Variants in DNAH5 observed in about 807,000 individuals in gnomAD.
DNAH5 encodes the protein dynein axonemal heavy chain 5, also known as axonemal beta dynein heavy chain 5.
A neutral mutation model predicts 518.2 loss-of-function variants in DNAH5; 372 were observed. That is an observed-to-expected ratio of 0.72 (90% CI 0.66 to 0.78). The LOEUF (loss-of-function observed/expected upper bound fraction) is 0.78, where lower values mean the gene tolerates loss of function less well. DNAH5 is among the 30% of genes least tolerant of loss of function. The pLI is 0.00. For synonymous variants in DNAH5, 2,039 were observed against 2,025.9 expected, an observed-to-expected ratio of 1.01 and a Z score of -0.17; for missense variants, 5,523 against 5,687.0, an observed-to-expected ratio of 0.97 and a Z score of 0.93.
intron 14 of DNAH5, among the ~76,000 whole-genome samples, chr5:13,900,973 CT>C (rs1207303452): frequency 2.0e-5 from 3 of 152,150 alleles, no homozygotes. Flanking sequence ...GCAAGATATC[CT>C]AATAGATTGG....
intron 1 of DNAH5, among the ~76,000 whole-genome samples, chr5:13,981,442 C>G (rs1782667335): frequency 6.6e-6 from 1 of 152,204 alleles, no homozygotes; most frequent in Non-Finnish European, 1.5e-5. Context: ...TTCCTCATGC[C>G]TCATACTTCC....
At chr5:13,974,035 T>C (rs1782057322) in intron 1 of DNAH5, among the ~76,000 whole-genome samples, 1 of 152,226 alleles carries the variant, frequency 6.6e-6, no homozygotes, top group South Asian at 2.1e-4. Context: ...TTCCTGAATA[T>C]GCACTTAGTT....
intron 23 of DNAH5, among the ~76,000 whole-genome samples, 200 bp from the exon 24 acceptor site, chr5:13,871,202 C>G (rs1466881732): frequency 1.3e-5 from 2 of 152,092 alleles, no homozygotes; most frequent in Non-Finnish European, 2.9e-5. Flanking sequence ...TACAACAACT[C>G]AACACACATT....
intron 30 of DNAH5, 40 bp from the exon 31 acceptor site, chr5:13,850,855 A>T: frequency 6.2e-7 from 1 of 1,604,678 alleles, no homozygotes; most frequent in Non-Finnish European, 8.5e-7. Flanking sequence ...AGATTTGGAC[A>T]CATCTGTGAT....
chr5:13,949,302 C>A (rs1456043791), upstream of DNAH5, among the ~76,000 whole-genome samples: 3 of 152,030 alleles, frequency 2.0e-5, no homozygotes, highest in Non-Finnish European at 4.4e-5. Flanking sequence ...GTATCTTTTT[C>A]TTTATACAAT....
At position 13,871,571 on chromosome 5, in the gene DNAH5, C is replaced by T. The variant is rs1561477713; in HGVS notation, c.3591G>A (p.Leu1197=). 3 of 1,612,874 alleles carry T rather than the reference C, an allele frequency of 1.9e-6. No individual in the cohort carries two copies. Residue 1197 remains leucine (L), a synonymous_variant, in exon 23 of 79, where the codon CTG becomes CTA. Transcript: ENST00000265104. The stretch of plus-strand genomic sequence containing the variant: ...GAAAGAAAATGAACCAACCTGTGTA[C>T]AGAGCAATGGAACCCACACAGACAT... The part of the protein sequence containing the change: ...PEYVCVGSIA[L]YTADLKFALT...
chr5:13,695,545 C>T (rs912629906), intron 78 of DNAH5, among the ~76,000 whole-genome samples: 2 of 152,160 alleles, frequency 1.3e-5, no homozygotes, highest in African/African-American at 2.4e-5. Flanking sequence ...TGGGAATTCC[C>T]AGAGGTTTGC....
chr5:13,693,818 A>T (rs1448983099), intron 78 of DNAH5, among the ~76,000 whole-genome samples: 1 of 152,278 alleles, frequency 6.6e-6, no homozygotes, highest in Non-Finnish European at 1.5e-5. Context: ...TCATGAAAGT[A>T]ATCATTAGGA....
chr5:14,005,092 A>G (rs1335491792), intron 1 of DNAH5, among the ~76,000 whole-genome samples: 3 of 151,898 alleles, frequency 2.0e-5, no homozygotes, highest in Non-Finnish European at 4.4e-5. Flanking sequence ...ACATCCTTCT[A>G]TCACTCTCCC....
chr5:13,954,062 G>A (rs1780606527), intron 1 of DNAH5, among the ~76,000 whole-genome samples: 1 of 152,162 alleles, frequency 6.6e-6, no homozygotes, highest in Non-Finnish European at 1.5e-5. Flanking sequence ...GTCAAACCTG[G>A]TGGTAAAATA....
At chr5:13,870,044 CA>C (rs199652733) in intron 24 of DNAH5, among the ~76,000 whole-genome samples, 93 of 150,926 alleles carry the variant, frequency 6.2e-4, no homozygotes, top group African/African-American at 2.2e-3. Flanking sequence ...GACTTCACTG[CA>C]AAAAAAAGAC....
chr5:13,790,096 T>C (rs1462660521), intron 50 of DNAH5, among the ~76,000 whole-genome samples: 1 of 152,198 alleles, frequency 6.6e-6, no homozygotes, highest in Non-Finnish European at 1.5e-5. Flanking sequence ...TATATGCTAT[T>C]GGTGGGAGTG....
intron 70 of DNAH5, 65 bp downstream of exon 70, chr5:13,727,442 T>A (rs1745901714): frequency 7.0e-7 from 1 of 1,438,162 alleles, no homozygotes; most frequent in Non-Finnish European, 9.4e-7. Context: ...ATATTTTTTT[T>A]AATTTAAAAG....
intron 1 of DNAH5, among the ~76,000 whole-genome samples, chr5:13,936,677 T>C (rs190458615): frequency 6.6e-6 from 1 of 152,348 alleles, no homozygotes; most frequent in East Asian, 1.9e-4. Flanking sequence ...CGAATTAAAA[T>C]GGCATGACCA....
chr5:13,791,467 C>A (rs908942305), intron 50 of DNAH5, among the ~76,000 whole-genome samples: 6 of 141,102 alleles, frequency 4.3e-5, no homozygotes, highest in African/African-American at 1.6e-4. Flanking sequence ...ACTTCGTAAG[C>A]TGCTGCCTCT....
Position 13,931,216 on chromosome 5 carries a change from T to C in DNAH5, c.86A>G (p.Lys29Arg). ...TQRLKGEKEAKRALLDARHNY... is the reference protein window; with the variant it reads ...TQRLKGEKEARRALLDARHNY... ...ATGCCTCGCATCCAAAAGAGCCCGC[T>C]TGGCTTCCTTCTCTCCCTTCAGTCT... is the stretch of plus-strand genomic sequence containing the variant. Residue 29 changes from lysine to arginine, a missense_variant, in exon 2 of 79, where the codon AAG becomes AGG. Around this residue, in one of 3 missense-constraint regions of DNAH5, gnomAD observed 5,121 missense variants for 5,223.3 expected, o/e 0.98. Coordinates refer to ENST00000265104, the MANE Select transcript of DNAH5 (RefSeq NM_001369.3). 6.2e-7 allele frequency: 1 copy of C among 1,614,138 alleles called. No individual in the cohort carries two copies. The highest frequency in any genetic ancestry group is 8.5e-7 in the Non-Finnish European group (1 of 1,179,960).
chr5:13,942,860 A>G (rs946270029), intron 1 of DNAH5, among the ~76,000 whole-genome samples: 1 of 152,228 alleles, frequency 6.6e-6, no homozygotes, highest in African/African-American at 2.4e-5. Context: ...CTTATACCTA[A>G]CACGACGGTC....
chr5:13,703,953 T>TGC (rs1342480910), intron 76 of DNAH5, among the ~76,000 whole-genome samples: 4 of 152,156 alleles, frequency 2.6e-5, no homozygotes, highest in Non-Finnish European at 5.9e-5. Flanking sequence ...AGACCTGGGG[T>TGC]GCCTTGTCCA....
chr5:13,963,067 C>T (rs144174244), intron 1 of DNAH5, among the ~76,000 whole-genome samples: 1 of 152,208 alleles, frequency 6.6e-6, no homozygotes, highest in Non-Finnish European at 1.5e-5. Context: ...TGTGTTTATA[C>T]TGTTCCTATC....
Sources: gnomAD v4.1 joint callset for allele counts (sites outside exome capture counted in the v4.1 genomes callset) on GRCh38, gnomAD v4.1.1 for gene constraint, gnomAD v4.1.1 regional missense constraint, MANE v1.5 for transcripts, NCBI Gene and HGNC (gene_info 2026-07-23, HGNC 2026-07-21) for gene names.